Variants in ATP8B4 observed in about 807,000 individuals in gnomAD.
ATP8B4 encodes ATPase phospholipid transporting 8B4 (putative).
A neutral mutation model predicts 145.6 loss-of-function variants in ATP8B4; 133 were observed. The observed-to-expected ratio is 0.91, with a 90% CI of 0.79 to 1.05. ATP8B4 has a LOEUF of 1.05. Ranked by LOEUF, ATP8B4 falls within the 50% of genes least tolerant of loss-of-function variation. The pLI, the probability that ATP8B4 is intolerant of heterozygous loss-of-function variation, is 0.00. For synonymous variants in ATP8B4, 507 were observed against 492.9 expected (o/e 1.03, Z -0.38); for missense variants, 1,458 against 1,425.2 (o/e 1.02, Z -0.37).
intron 1 of ATP8B4, among the ~76,000 whole-genome samples, chr15:50,127,571 A>G (rs1239767081): frequency 2.0e-5 from 3 of 152,226 alleles, no homozygotes; most frequent in Non-Finnish European, 4.4e-5. Flanking sequence ...GAATTGAGTC[A>G]TGGAGGCCTC....
At position 49,860,233 on chromosome 15, in the gene ATP8B4, G is replaced by T. The variant is rs142681978; in HGVS notation, c.3540C>A (p.Thr1180=). Residue 1180 remains threonine (T), a synonymous_variant, in exon 28 of 28, where the codon ACC becomes ACA. Transcript: ENST00000284509. ...TTTTATCCTGGCTAAAGCTGCTCAC[G>T]GTGTCTGTGGTTTTCTTACATAAAT... ...IENLCKKTTD[T]VSSFSQDKTV... 193 of 1,613,900 alleles carry T rather than the reference G, an allele frequency of 1.2e-4. No homozygotes were observed. The highest frequency in any genetic ancestry group is 1.6e-4 in the Non-Finnish European group (188 of 1,179,950).
At chr15:50,036,544 G>C (rs1241239215) in intron 6 of ATP8B4, among the ~76,000 whole-genome samples, 1 of 152,186 alleles carries the variant, frequency 6.6e-6, no homozygotes, top group Non-Finnish European at 1.5e-5. Context: ...AATCCAAAAA[G>C]TGAAAAGCCA....
intron 20 of ATP8B4, among the ~76,000 whole-genome samples, chr15:49,913,305 A>G (rs1218295480): frequency 2.0e-5 from 3 of 152,176 alleles, no homozygotes; most frequent in African/African-American, 7.2e-5. Context: ...GATGCAGAAA[A>G]ATCATTTGAT....
intron 7 of ATP8B4, 42 bp from the exon 8 acceptor site, chr15:50,002,265 G>A: frequency 6.6e-7 from 1 of 1,522,794 alleles, no homozygotes; most frequent in Non-Finnish European, 9.0e-7. Context: ...TGAGAAGTTA[G>A]ATTGGTTGAA....
chr15:49,896,789 T>G (rs531057875), intron 23 of ATP8B4: 3 of 152,658 alleles, frequency 2.0e-5, no homozygotes, highest in South Asian at 4.1e-4. Flanking sequence ...ATACATTTGC[T>G]AATTTTCTTT....
chr15:50,054,019 T>C lies in ATP8B4; in HGVS notation c.88-6555A>G, dbSNP rs573512464. 2.6e-5 allele frequency among the ~76,000 whole-genome samples: 4 copies of C among 152,302 alleles called. No individual in the cohort carries two copies. In the South Asian group the frequency reaches 8.3e-4, roughly 32 times the overall value. ...TAGGACTATCATGGAAATGAGAGCA[T>C]AGATGTAAAAATATTTCTGCTAAAT... On this transcript the variant is annotated intron_variant, in intron 3 of 27. Coordinates refer to ENST00000284509, the MANE Select transcript of ATP8B4 (RefSeq NM_024837.4).
chr15:50,160,841 ATTC>A (rs2044507752), intron 1 of ATP8B4, among the ~76,000 whole-genome samples: 1 of 152,032 alleles, frequency 6.6e-6, no homozygotes, highest in Admixed American at 6.6e-5. Context: ...AGGACTGTAT[ATTC>A]TGTAGCCATA....
chr15:50,173,988 C>G (rs1359847695), intron 1 of ATP8B4, among the ~76,000 whole-genome samples: 1 of 152,128 alleles, frequency 6.6e-6, no homozygotes, highest in African/African-American at 2.4e-5. Context: ...GATGGTTTCA[C>G]GTACTCAAGC....
rs1431609305 is a variant in ATP8B4, at chr15:50,038,805, C to G, written c.325G>C (p.Val109Leu). Residue 109 changes from valine to leucine, a missense_variant, in exon 6 of 28, where the codon GTG becomes CTG. By Grantham distance (32) the Val-to-Leu change is conservative. Transcript: ENST00000284509. ...DYFRHKSDNQVNNRQSEVLIN... is the reference protein window; with the variant it reads ...DYFRHKSDNQLNNRQSEVLIN... ...AGCACTTCAGACTGCCGATTATTCA[C>G]TTGATTATCACTCTTGTGGCGAAAC... The G allele has an allele frequency of 1.9e-6, 3 of 1,613,632 alleles. No homozygotes were observed. Among genetic ancestry groups the G allele is most frequent in the Non-Finnish European group, 2.5e-6 (3 of 1,179,694 alleles).
intron 1 of ATP8B4, among the ~76,000 whole-genome samples, chr15:50,157,635 C>T (rs72737036): frequency 0.092 from 13,918 of 151,680 alleles, 796 homozygotes; most frequent in Middle Eastern, 0.15. Flanking sequence ...ATTTTTTTTT[C>T]TATACCTGTG....
At chr15:49,956,841 T>A (rs1274787931) in intron 14 of ATP8B4, among the ~76,000 whole-genome samples, 1 of 152,134 alleles carries the variant, frequency 6.6e-6, no homozygotes, top group East Asian at 1.9e-4. Flanking sequence ...CCACCACACT[T>A]GGCCTGAATA....
intron 4 of ATP8B4, 30 bp from the exon 5 acceptor site, chr15:50,044,722 C>A: frequency 6.6e-7 from 1 of 1,509,170 alleles, no homozygotes; most frequent in Non-Finnish European, 9.2e-7. Flanking sequence ...TAGTTTAGGG[C>A]TTTTAAAGTT....
intron 1 of ATP8B4, among the ~76,000 whole-genome samples, chr15:50,109,740 C>T (rs143789837): frequency 6.6e-5 from 10 of 152,112 alleles, no homozygotes; most frequent in Admixed American, 5.9e-4. Flanking sequence ...CACTTGGCAG[C>T]TTATCCTTTC....
At chr15:50,175,644 T>G (rs2044751015) in intron 1 of ATP8B4, among the ~76,000 whole-genome samples, 2 of 152,092 alleles carry the variant, frequency 1.3e-5, no homozygotes, top group Admixed American at 1.3e-4. Flanking sequence ...AAAACTTCAA[T>G]GTGATACCAC....
At chr15:49,905,125 A>T (rs1024970807) in intron 20 of ATP8B4, among the ~76,000 whole-genome samples, 1 of 152,246 alleles carries the variant, frequency 6.6e-6, no homozygotes, top group Non-Finnish European at 1.5e-5. Context: ...CTACAGCAGC[A>T]AAATTAACCC....
Position 49,928,184 on chromosome 15 carries a change from T to C in ATP8B4, c.1642+2935A>G, listed in dbSNP as rs148024434. On this transcript the variant is annotated intron_variant, in intron 16 of 27. Transcript: ENST00000284509. ...GCACACAGTTTAATGACTAGGATAG[T>C]TGTGAGTGTCATGGAATTAATACCA... is the stretch of plus-strand genomic sequence containing the variant. Among the ~76,000 whole-genome samples the C allele has an allele frequency of 1.1e-3, 165 of 152,232 alleles. 1 individual carries two copies. Among genetic ancestry groups the C allele is most frequent in the Middle Eastern group, 3.4e-3 (1 of 294 alleles).
At chr15:49,989,783 C>G in intron 9 of ATP8B4, among the ~76,000 whole-genome samples, 1 of 152,060 alleles carries the variant, frequency 6.6e-6, no homozygotes, top group East Asian at 1.9e-4. Flanking sequence ...CAGAAGTGCT[C>G]GGCTTCCCCT....
intron 1 of ATP8B4, among the ~76,000 whole-genome samples, chr15:50,175,153 G>A (rs117751867): frequency 0.031 from 4,676 of 152,274 alleles, 120 homozygotes; most frequent in Non-Finnish European, 0.043. Context: ...ACTCTAGATG[G>A]ATTAAGGACT....
At chr15:50,025,463 C>T (rs2049938315) in intron 6 of ATP8B4, among the ~76,000 whole-genome samples, 1 of 152,228 alleles carries the variant, frequency 6.6e-6, no homozygotes, top group Non-Finnish European at 1.5e-5. Flanking sequence ...TTCCCCTCCA[C>T]AGGACCTTTG....
Sources: gnomAD v4.1 joint callset for allele counts (sites outside exome capture counted in the v4.1 genomes callset) on GRCh38, gnomAD v4.1.1 for gene constraint, MANE v1.5 for transcripts, NCBI Gene and HGNC (gene_info 2026-07-23, HGNC 2026-07-21) for gene names.